The following PACS2 variants were observed in gnomAD, a reference collection of about 807,000 sequenced individuals.
The protein encoded by PACS2 is PACS1-like protein.
In PACS2, 36 loss-of-function variants were observed where a neutral mutation model predicts 113.0. The observed-to-expected ratio is 0.32, with a 90% confidence interval of 0.24 to 0.42. The LOEUF (loss-of-function observed/expected upper bound fraction) is 0.42, where lower values mean the gene tolerates loss of function less well. Ranked by LOEUF, PACS2 falls within the 10% of genes least tolerant of loss-of-function variation. The pLI is 1.00. For missense variants in PACS2, 1,015 were observed against 1,239.5 expected, an observed-to-expected ratio of 0.82 and a Z score of 2.72; for synonymous variants, 589 against 536.1, an observed-to-expected ratio of 1.10 and a Z score of -1.36.
intron 1 of PACS2, among the ~76,000 whole-genome samples, chr14:105,304,437 G>A (rs779365066): frequency 6.6e-6 from 1 of 152,130 alleles, no homozygotes; most frequent in Non-Finnish European, 1.5e-5. Context: ...GTGGTGAGGC[G>A]AGATGGCGTC....
intron 1 of PACS2, among the ~76,000 whole-genome samples, chr14:105,342,672 G>A (rs952400528): frequency 2.6e-5 from 4 of 151,810 alleles, no homozygotes; most frequent in African/African-American, 9.7e-5. Context: ...AGTGGCTCAC[G>A]CCTGTAATCC....
At position 105,396,462 on chromosome 14, in the gene PACS2, C is replaced by CAG; in HGVS notation, c.*1793_*1794dup. ...GTTCAGCTGCCCCCAAGCTGGGCTG[C>CAG]AGAGCATCTGTTTTTCTGCTCTCCA... On this transcript the variant is annotated 3_prime_UTR_variant, in exon 25 of 25. Transcript: ENST00000447393. 1 of 152,106 alleles carries CAG rather than the reference C, an allele frequency of 6.6e-6. No individual in the cohort carries two copies. The highest frequency in any genetic ancestry group is 2.4e-5 in the African/African-American group (1 of 41,264). 9.4% of individuals were successfully genotyped at this position (152,106 alleles called of 1,614,324 possible). A position where few individuals can be genotyped will look rare whatever the true frequency, so the allele number is the denominator to read the frequency against.
rs1343693508 is a variant in PACS2, at chr14:105,366,087, C to A, written c.424-1126C>A. Among the ~76,000 whole-genome samples the A allele has an allele frequency of 6.2e-4, 94 of 152,306 alleles. No individual in the cohort carries two copies. The highest frequency in any genetic ancestry group is 2.1e-4 in the South Asian group (1 of 4,818). ...CTGGTCGGCTGGGCGTGGTGGCTCA[C>A]GCCTGTAATCCCAGCACTTTGGGAG... On this transcript the variant is annotated intron_variant, in intron 4 of 24. Transcript: ENST00000447393. This position sits in a 1 kb window ranked among gnomAD's most constrained non-coding sequence, Gnocchi z 4.3.
intron 18 of PACS2, 129 bp downstream of exon 18, chr14:105,385,116 C>T: frequency 1.5e-6 from 1 of 657,872 alleles, no homozygotes; most frequent in East Asian, 2.7e-5. Context: ...AGACCAGAGC[C>T]TGGGCCAGCT....
chr14:105,393,990 A>G (rs1458287113), intron 24 of PACS2, among the ~76,000 whole-genome samples: 2 of 144,228 alleles, frequency 1.4e-5, no homozygotes, highest in Non-Finnish European at 3.0e-5. Context: ...GTGAGCCGAG[A>G]TTGCGCCACT....
intron 1 of PACS2, among the ~76,000 whole-genome samples, chr14:105,331,743 T>G (rs587738455): frequency 6.6e-6 from 1 of 152,350 alleles, no homozygotes; most frequent in African/African-American, 2.4e-5. Context: ...CAGCAATGCC[T>G]TTGATGAGTA....
intron 12 of PACS2, 49 bp downstream of exon 12, chr14:105,381,148 G>C: frequency 6.4e-7 from 1 of 1,551,866 alleles, no homozygotes; most frequent in Non-Finnish European, 8.8e-7. Context: ...CCTGTCGGGG[G>C]AGGGGCCGTC....
Position 105,358,064 on chromosome 14 carries a change from C to T in PACS2, c.423+2887C>T, listed in dbSNP as rs1355689090. ...TCATCTCCCTTCAAATGGGTGCACA[C>T]GCAGGGGGCAGGAGGGGCTGGGAGC... is the stretch of plus-strand genomic sequence containing the variant. On this transcript the variant is annotated intron_variant, in intron 4 of 24. Coordinates refer to ENST00000447393, the MANE Select transcript of PACS2 (RefSeq NM_001100913.3). The surrounding 1 kb of genome is among the most constrained non-coding windows in gnomAD (Gnocchi z 4.9). Among the ~76,000 whole-genome samples the T allele has an allele frequency of 1.3e-5, 2 of 152,156 alleles. No homozygotes were observed. Among genetic ancestry groups the T allele is most frequent in the Non-Finnish European group, 2.9e-5 (2 of 68,008 alleles).
chr14:105,333,095 T>TGAGAGAGA (rs113817359), intron 1 of PACS2, among the ~76,000 whole-genome samples: 5 of 151,792 alleles, frequency 3.3e-5, no homozygotes, highest in African/African-American at 1.2e-4. Flanking sequence ...GGCGTGGGTG[T>TGAGAGAGA]GAGAGAGAGA....
At chr14:105,392,176 C>T in intron 22 of PACS2, 1 of 319,188 alleles carries the variant, frequency 3.1e-6, no homozygotes, top group Non-Finnish European at 5.8e-6. Context: ...AGACCTCACT[C>T]AAGTGGAACT....
chr14:105,360,427 C>T (rs2060634972), intron 4 of PACS2, among the ~76,000 whole-genome samples: 1 of 151,668 alleles, frequency 6.6e-6, no homozygotes, highest in South Asian at 2.1e-4. Flanking sequence ...ACCTGTAATC[C>T]CAGCTACTAG....
chr14:105,316,618 G>T (rs946380195), intron 1 of PACS2, among the ~76,000 whole-genome samples: 2 of 152,218 alleles, frequency 1.3e-5, no homozygotes, highest in Non-Finnish European at 2.9e-5. Flanking sequence ...TGGCAGGAGG[G>T]GCCGGGGGCC....
chr14:105,324,719 C>A lies in PACS2; in HGVS notation c.119+9682C>A, dbSNP rs1379898463. 6.6e-6 allele frequency among the ~76,000 whole-genome samples: 1 copy of A among 152,072 alleles called. No homozygotes were observed. Among genetic ancestry groups the A allele is most frequent in the Non-Finnish European group, 1.5e-5 (1 of 67,988 alleles). ...CGGCCTGTGGAGGCCGGTGGCGCCC[C>A]GTCTCACCCCACGGATGGGGGGCAG... On this transcript the variant is annotated intron_variant, in intron 1 of 24. Transcript: ENST00000447393. The surrounding 1 kb of genome is among the most constrained non-coding windows in gnomAD (Gnocchi z 4.7).
chr14:105,383,435 C>T lies in PACS2; in HGVS notation c.1702C>T (p.Leu568=), dbSNP rs142789946. Residue 568 remains leucine, a synonymous_variant, in exon 16 of 25, where the codon CTG becomes TTG. Transcript: ENST00000447393. ...AGAQHYLSAI[L]RLFVEQLSHK... ...AGCGCAGCATTACCTCAGTGCCATC[C>T]TGCGGCTCTTTGTGGAGCAGCTGTC... 9.3e-6 allele frequency: 15 copies of T among 1,609,696 alleles called. No homozygotes were observed. In the African/African-American group the frequency reaches 1.3e-4, roughly 14 times the overall value.
At position 105,391,774 on chromosome 14, in the gene PACS2, T is replaced by C; in HGVS notation, c.2255+8T>C. Reference sequence around the variant, plus strand: ...AGGCCTGTCCTCCCCCAGGTAAAGGTGCCTCACGGCTCAGCACGTTTCACT... The same window carrying C: ...AGGCCTGTCCTCCCCCAGGTAAAGGCGCCTCACGGCTCAGCACGTTTCACT... On this transcript the variant is annotated splice_region_variant and intron_variant, in intron 22 of 24. Coordinates refer to ENST00000447393, the MANE Select transcript of PACS2 (RefSeq NM_001100913.3). The C allele has an allele frequency of 6.3e-7, 1 of 1,588,508 alleles. No individual in the cohort carries two copies. Among genetic ancestry groups the C allele is most frequent in the Non-Finnish European group, 8.6e-7 (1 of 1,168,704 alleles).
intron 1 of PACS2, among the ~76,000 whole-genome samples, chr14:105,327,581 A>C (rs1317554629): frequency 1.3e-5 from 2 of 152,192 alleles, no homozygotes; most frequent in African/African-American, 4.8e-5. Flanking sequence ...AGGGTGGTGC[A>C]TCTCATGCCT....
intron 1 of PACS2, among the ~76,000 whole-genome samples, chr14:105,308,481 CTTT>C (rs1227708197): frequency 3.2e-5 from 4 of 124,562 alleles, no homozygotes; most frequent in East Asian, 2.4e-4. Context: ...CAGATTCTGT[CTTT>C]TTTTTTTTTT....
At chr14:105,307,607 T>TC (rs912916850) in intron 1 of PACS2, among the ~76,000 whole-genome samples, 2 of 152,138 alleles carry the variant, frequency 1.3e-5, no homozygotes, top group Middle Eastern at 3.2e-3. Flanking sequence ...AATAGCCCTG[T>TC]CCCCCCATGC....
chr14:105,352,300 C>T, intron 2 of PACS2, 78 bp from the exon 3 acceptor site: 1 of 901,820 alleles, frequency 1.1e-6, no homozygotes, highest in Non-Finnish European at 1.9e-6. Context: ...TTTTAGAGTG[C>T]AGGAGTCACG....
Sources: allele counts gnomAD v4.1 joint callset (sites outside exome capture counted in the v4.1 genomes callset), GRCh38; gene constraint gnomAD v4.1.1; non-coding constraint Gnocchi (gnomAD v3.1); transcripts MANE v1.5; gene names NCBI Gene and HGNC (gene_info 2026-07-23, HGNC 2026-07-21).